SMARCA4: variants seen among roughly 807,000 people sequenced by gnomAD.
The protein encoded by SMARCA4 is SWI/SNF-related matrix-associated actin-dependent regulator of chromatin subfamily A member 4.
A neutral mutation model predicts 193.9 loss-of-function variants in SMARCA4; 31 were observed. That is an observed-to-expected ratio of 0.16 (90% CI 0.12 to 0.22). The LOEUF (loss-of-function observed/expected upper bound fraction) is 0.22. Ranked by LOEUF, SMARCA4 falls within the 10% of genes least tolerant of loss-of-function variation. The probability of loss-of-function intolerance (pLI) is 1.00; values close to 1 mark genes in which losing one functional copy is unlikely to be tolerated. For missense variants in SMARCA4, 1,148 were observed against 2,296.0 expected (o/e 0.50, Z 10.22); for synonymous variants, 942 against 933.1 (o/e 1.01, Z -0.17).
intron 8 of SMARCA4, 38 bp from the exon 9 acceptor site, chr19:10,994,790 G>A (rs2145935008): frequency 6.3e-7 from 1 of 1,591,058 alleles, no homozygotes; most frequent in Non-Finnish European, 8.6e-7. Flanking sequence ...CCACCATGCT[G>A]CTGAAGGGTC....
At chr19:10,965,984 T>C (rs1040269840) in intron 1 of SMARCA4, among the ~76,000 whole-genome samples, 1 of 140,838 alleles carries the variant, frequency 7.1e-6, no homozygotes, top group Non-Finnish European at 1.5e-5. Flanking sequence ...TTTTTTTTTT[T>C]TTTTTTTTTT....
Position 11,017,554 on chromosome 19 carries a change from A to G in SMARCA4, c.2439-1403A>G, listed in dbSNP as rs530412739. Among the ~76,000 whole-genome samples, 7 of 152,354 alleles carry G rather than the reference A, an allele frequency of 4.6e-5. No individual in the cohort carries two copies. The South Asian group carries it at 1.2e-3, about 27-fold the overall frequency. On this transcript the variant is annotated intron_variant, in intron 16 of 34. Coordinates refer to ENST00000344626, the MANE Select transcript of SMARCA4 (RefSeq NM_003072.5). ...TCACTGGGAATTGCTGCCTCCTGCC[A>G]TGAGCTGCTTGTCCTGCCTCCGTTT...
At chr19:10,971,695 T>C (rs2084686565) in intron 1 of SMARCA4, among the ~76,000 whole-genome samples, 1 of 151,878 alleles carries the variant, frequency 6.6e-6, no homozygotes, top group Non-Finnish European at 1.5e-5. Flanking sequence ...CTCAAATTCC[T>C]GGCCTCAAGT....
In SMARCA4 at chr19:11,039,325, G is replaced by T. The variant is rs375439928; in HGVS notation, c.4171-1982G>T. ...GCCAAGATCGCACCACTGCACTCCA[G>T]CCTGGGCGACAGAATGAGACCCTGT... On this transcript the variant is annotated intron_variant, in intron 29 of 34. Transcript: ENST00000344626. 3.8e-3 allele frequency: 2,072 copies of T among 538,318 alleles called. 57 individuals are homozygous for T. In the South Asian group the frequency reaches 0.042, roughly 11 times the overall value. 33.3% of individuals were successfully genotyped at this position (538,318 alleles called of 1,614,324 possible).
rs1233093079 is a variant in SMARCA4, at chr19:11,030,003, G to A, written c.3383-727G>A. 1.3e-5 allele frequency among the ~76,000 whole-genome samples: 2 copies of A among 152,064 alleles called. No homozygotes were observed. The highest frequency in any genetic ancestry group is 6.6e-5 in the Admixed American group (1 of 15,264). Reference sequence around the variant, plus strand: ...CCAGTTTTTATTTCATCACCAAAATGACTTCAGTGTTCAGGGGCACCTCTG... The same window carrying A: ...CCAGTTTTTATTTCATCACCAAAATAACTTCAGTGTTCAGGGGCACCTCTG... On this transcript the variant is annotated intron_variant, in intron 24 of 34. Transcript: ENST00000344626. The surrounding 1 kb of genome is among the most constrained non-coding windows in gnomAD (Gnocchi z 5.5).
intron 1 of SMARCA4, among the ~76,000 whole-genome samples, chr19:10,970,752 G>T (rs2084603271): frequency 6.6e-6 from 1 of 152,182 alleles, no homozygotes; most frequent in South Asian, 2.1e-4. Context: ...GAGTTAAATT[G>T]TAGGACACCC....
Position 10,989,401 on chromosome 19 carries a change from C to T in SMARCA4, c.1203C>T (p.Thr401=), listed in dbSNP as rs2145849082. Residue 401 remains threonine (T), a synonymous_variant, in exon 7 of 35, where the codon ACC becomes ACT. Coordinates refer to ENST00000344626, the MANE Select transcript of SMARCA4 (RefSeq NM_003072.5). ...CCGGGGATTTGCGAACCAAAGCGACCATTGAGCTCAAGGCCCTCAGGCTGC... is the reference window on the plus strand; with the variant it reads ...CCGGGGATTTGCGAACCAAAGCGACTATTGAGCTCAAGGCCCTCAGGCTGC... The part of the protein sequence containing the change: ...SLAGDLRTKA[T]IELKALRLLN... The T allele has an allele frequency of 6.2e-7, 1 of 1,614,168 alleles. No individual in the cohort carries two copies. Among genetic ancestry groups the T allele is most frequent in the South Asian group, 1.1e-5 (1 of 91,084 alleles).
chr19:10,977,333 G>GT (rs940959635), intron 1 of SMARCA4, among the ~76,000 whole-genome samples: 15 of 151,296 alleles, frequency 9.9e-5, no homozygotes, highest in East Asian at 3.9e-4. Flanking sequence ...TTTTGTTTTT[G>GT]TTTTTTTTGA....
chr19:10,989,453 G>A lies in SMARCA4; in HGVS notation c.1245+10G>A, dbSNP rs1599997115. On this transcript the variant is annotated intron_variant, in intron 7 of 34. Coordinates refer to ENST00000344626, the MANE Select transcript of SMARCA4 (RefSeq NM_003072.5). ...GAACTTCCAGAGGCAGGTGGGTGCT[G>A]GCATGGCCGCAGCTTTCCGAAAAGG... 6.2e-7 allele frequency: 1 copy of A among 1,613,842 alleles called. No individual in the cohort carries two copies. Among genetic ancestry groups the A allele is most frequent in the Non-Finnish European group, 8.5e-7 (1 of 1,179,924 alleles).
At chr19:11,006,276 C>T (rs189091823) in intron 13 of SMARCA4, among the ~76,000 whole-genome samples, 4 of 152,278 alleles carry the variant, frequency 2.6e-5, no homozygotes, top group South Asian at 2.1e-4. Context: ...TATGCAAAAT[C>T]GCAGTAAAGG....
At chr19:11,060,354 G>A (rs1444421346) in intron 34 of SMARCA4, 167 bp downstream of exon 34, 1 of 845,364 alleles carries the variant, frequency 1.2e-6, no homozygotes, top group Non-Finnish European at 1.9e-6. Flanking sequence ...CCAGTATGTG[G>A]CAGGGCTGCC....
intron 22 of SMARCA4, chr19:11,025,713 T>C (rs2090205020): frequency 3.5e-6 from 2 of 569,562 alleles, no homozygotes; most frequent in Non-Finnish European, 6.5e-6. Context: ...GCGATAGGAA[T>C]ATAGGGCCCT....
chr19:10,986,135 A>G lies in SMARCA4; in HGVS notation c.356-54A>G, dbSNP rs916061028. 6.2e-6 allele frequency: 9 copies of G among 1,460,876 alleles called. No individual in the cohort carries two copies. Among genetic ancestry groups the G allele is most frequent in the Non-Finnish European group, 8.6e-6 (9 of 1,041,346 alleles). The allele number at this position is 1,460,876 out of a possible 1,614,324, so 90.5% of individuals were successfully genotyped here. ...AGCTGGTGTAGGGGGAAGAGGCTGTAAAAATCACAGACATATGCTGCCGAG... is the reference window on the plus strand; with the variant it reads ...AGCTGGTGTAGGGGGAAGAGGCTGTGAAAATCACAGACATATGCTGCCGAG... On this transcript the variant is annotated intron_variant, in intron 3 of 34. Transcript: ENST00000344626. The surrounding 1 kb of genome is among the most constrained non-coding windows in gnomAD (Gnocchi z 6.7).
At chr19:11,048,554 G>A (rs58821884) in intron 30 of SMARCA4, among the ~76,000 whole-genome samples, 2,413 of 152,276 alleles carry the variant, frequency 0.016, 67 homozygotes, top group African/African-American at 0.055. Context: ...CTCTGGATTC[G>A]GTGTCAGGAG....
chr19:10,976,063 C>T (rs2085099866), intron 1 of SMARCA4, among the ~76,000 whole-genome samples: 1 of 152,172 alleles, frequency 6.6e-6, no homozygotes, highest in Non-Finnish European at 1.5e-5. Context: ...CTGCTAGTGA[C>T]TTATCATTGA....
chr19:11,013,264 C>A, intron 16 of SMARCA4, 152 bp downstream of exon 16: 1 of 838,930 alleles, frequency 1.2e-6, no homozygotes, highest in Non-Finnish European at 1.9e-6. Context: ...CAAGGTGTAG[C>A]AGGTTGCTTC....
Position 11,004,935 on chromosome 19 carries a change from G to A in SMARCA4, c.2001+1538G>A, listed in dbSNP as rs2053066. Among the ~76,000 whole-genome samples, 705 of 152,078 alleles carry A rather than the reference G, an allele frequency of 4.6e-3. 11 individuals carry two copies. The East Asian group carries it at 0.047, about 10-fold the overall frequency. ...GCTCACTGCAATCTCTGCCTCCCGG[G>A]TTCAAGTGATTCTCCTGCCTCAGCC... On this transcript the variant is annotated intron_variant, in intron 13 of 34. Transcript: ENST00000344626.
At chr19:10,981,981 CTG>C (rs556095585) in intron 1 of SMARCA4, among the ~76,000 whole-genome samples, 104 of 152,128 alleles carry the variant, frequency 6.8e-4, no homozygotes, top group African/African-American at 2.4e-3. Flanking sequence ...GAGTAAGACT[CTG>C]TATACAAAAC....
rs2075620239 is a variant in SMARCA4 at position 11,041,622 on chromosome 19, C to T, written c.4424+62C>T. 4 of 1,469,760 alleles carry T rather than the reference C, an allele frequency of 2.7e-6. No individual in the cohort carries two copies. The highest frequency in any genetic ancestry group is 3.8e-6 in the Non-Finnish European group (4 of 1,060,788). The allele number at this position is 1,469,760 out of a possible 1,614,324, so 91.0% of individuals were successfully genotyped here. ...GTCCCCGTGGGAGCAGGCCTGGCAT[C>T]TGCACTCTGACTCTGCACACTCAGG... On this transcript the variant is annotated intron_variant, in intron 30 of 34. Coordinates refer to ENST00000344626, the MANE Select transcript of SMARCA4 (RefSeq NM_003072.5). This position sits in a 1 kb window ranked among gnomAD's most constrained non-coding sequence, Gnocchi z 5.6.
Sources: gnomAD v4.1 joint callset for allele counts (sites outside exome capture counted in the v4.1 genomes callset) on GRCh38, gnomAD v4.1.1 for gene constraint, Gnocchi (gnomAD v3.1) non-coding constraint, MANE v1.5 for transcripts, NCBI Gene and HGNC (gene_info 2026-07-23, HGNC 2026-07-21) for gene names.